CPSF4: variants seen among roughly 807,000 people sequenced by gnomAD.
CPSF4 encodes cleavage and polyadenylation specificity factor subunit 4.
CPSF4 carries 11 observed loss-of-function variants against 37.7 expected under a neutral mutation model. The ratio of observed to expected loss-of-function variants is 0.29; its 90% CI spans 0.18 to 0.48. CPSF4 has a LOEUF of 0.48. Ranked by LOEUF, CPSF4 falls within the 20% of genes least tolerant of loss-of-function variation. The pLI is 0.99. For synonymous variants in CPSF4, 132 were observed against 135.9 expected (o/e 0.97, Z 0.20); for missense variants, 144 against 359.5 (o/e 0.40, Z 4.85).
chr7:99,439,757 A>G (rs368606809), intron 1 of CPSF4, among the ~76,000 whole-genome samples: 4 of 152,234 alleles, frequency 2.6e-5, no homozygotes, highest in East Asian at 1.9e-4. Flanking sequence ...CATCAAAACT[A>G]GGCGGTTGGA....
intron 5 of CPSF4, among the ~76,000 whole-genome samples, chr7:99,451,244 C>T (rs1346053708): frequency 1.3e-5 from 2 of 152,180 alleles, no homozygotes; most frequent in African/African-American, 2.4e-5. Flanking sequence ...TTTCACACAG[C>T]AGCACACTGA....
At chr7:99,443,471 T>C (rs1364451400) in intron 1 of CPSF4, 3 of 928,240 alleles carry the variant, frequency 3.2e-6, no homozygotes, top group Non-Finnish European at 5.3e-6. Context: ...CTTCAGCTTA[T>C]GGAGCTCCAC....
intron 7 of CPSF4, among the ~76,000 whole-genome samples, chr7:99,454,461 C>T (rs879681513): frequency 3.3e-5 from 5 of 152,158 alleles, no homozygotes; most frequent in Admixed American, 2.0e-4. Flanking sequence ...CCCTTGGAGC[C>T]GCTGGCTGTC....
At position 99,444,774 on chromosome 7, in the gene CPSF4, C is replaced by G. The variant is rs1797335594; in HGVS notation, c.104-15C>G. On this transcript the variant is annotated splice_polypyrimidine_tract_variant and intron_variant, in intron 1 of 7. Transcript: ENST00000292476. The stretch of plus-strand genomic sequence containing the variant: ...GCACCTCTTTGATTCCTCTCCTTTT[C>G]TCTCCTTTCTACAGAGTCGGGCGCT... 6.2e-7 allele frequency: 1 copy of G among 1,612,606 alleles called. No homozygotes were observed. The highest frequency in any genetic ancestry group is 8.5e-7 in the Non-Finnish European group (1 of 1,179,014).
intron 1 of CPSF4, among the ~76,000 whole-genome samples, chr7:99,441,971 CG>C (rs1435132271): frequency 6.6e-6 from 1 of 152,160 alleles, no homozygotes. Context: ...GGATTACAGA[CG>C]TGAGTCACCG....
At chr7:99,440,674 A>ATATATATATATATATGTTTTTTTTT in intron 1 of CPSF4, among the ~76,000 whole-genome samples, 11 of 88,088 alleles carry the variant, frequency 1.2e-4, no homozygotes, top group African/African-American at 8.7e-4. Flanking sequence ...ATATATATAT[A>ATATATATATATATATGTTTTTTTTT]TTTTTTTTTT....
intron 2 of CPSF4, among the ~76,000 whole-genome samples, chr7:99,447,272 T>C (rs149844396): frequency 7.1e-6 from 1 of 141,558 alleles, no homozygotes; most frequent in Non-Finnish European, 1.6e-5. Flanking sequence ...TTTTTTTTTC[T>C]TTTTTTTTTT....
intron 2 of CPSF4, among the ~76,000 whole-genome samples, chr7:99,446,812 G>A (rs1021168568): frequency 3.5e-5 from 2 of 57,306 alleles, no homozygotes; most frequent in Admixed American, 2.2e-4. Context: ...TTTTTTTAAC[G>A]GAGTTTTGCT....
Position 99,439,843 on chromosome 7 carries a change from C to T in CPSF4, c.103+658C>T, listed in dbSNP as rs541295310. 1.2e-4 allele frequency among the ~76,000 whole-genome samples: 18 copies of T among 152,252 alleles called. No individual in the cohort carries two copies. In the South Asian group the frequency reaches 3.3e-3, roughly 28 times the overall value. ...CTCTCAAACTCCCTTCTAGGACTCA[C>T]TCTCCTGGGAGCTCATCCCTAGTTT... On this transcript the variant is annotated intron_variant, in intron 1 of 7. Transcript: ENST00000292476.
chr7:99,440,038 A>G (rs966407265), intron 1 of CPSF4, among the ~76,000 whole-genome samples: 1 of 151,072 alleles, frequency 6.6e-6, no homozygotes, highest in African/African-American at 2.5e-5. Context: ...AGAAACCAGT[A>G]GTTTTCTTTG....
rs1030973021 is a variant in CPSF4, at chr7:99,448,116, G to A, written c.155-5G>A. 12 of 1,613,632 alleles carry A rather than the reference G, an allele frequency of 7.4e-6. No homozygotes were observed. Among genetic ancestry groups the A allele is most frequent in the Admixed American group, 1.7e-5 (1 of 60,010 alleles). ...GCTGACACCCTGTCCCTATCTTGCC[G>A]GCAGGGGGCATGTGTCCGTTTCGCC... is the stretch of plus-strand genomic sequence containing the variant. On this transcript the variant is annotated splice_region_variant and splice_polypyrimidine_tract_variant and intron_variant, in intron 2 of 7. Coordinates refer to ENST00000292476, the MANE Select transcript of CPSF4 (RefSeq NM_006693.4). This position sits in a 1 kb window ranked among gnomAD's most constrained non-coding sequence, Gnocchi z 4.4.
At position 99,448,459 on chromosome 7, in the gene CPSF4, C is replaced by CTT. The variant is rs557905583; in HGVS notation, c.307+206_307+207dup. 6.3e-3 allele frequency: 2,001 copies of CTT among 319,482 alleles called. 2 individuals carry two copies. The highest frequency in any genetic ancestry group is 0.01 in the Middle Eastern group (11 of 1,068). 19.8% of individuals were successfully genotyped at this position (319,482 alleles called of 1,614,324 possible). A position where few individuals can be genotyped will look rare whatever the true frequency, so the allele number is the denominator to read the frequency against. On this transcript the variant is annotated intron_variant, in intron 3 of 7. Transcript: ENST00000292476. The surrounding 1 kb of genome is among the most constrained non-coding windows in gnomAD (Gnocchi z 4.4). ...CAGTGTGGCTATTTTCTGCTCATCTCTTTTTTTTTTTTTTTTTTTTTAAAG... is the reference window on the plus strand; with the variant it reads ...CAGTGTGGCTATTTTCTGCTCATCTCTTTTTTTTTTTTTTTTTTTTTTTAAAG...
chr7:99,444,895 T>TG (rs1376922597), intron 2 of CPSF4, 56 bp downstream of exon 2: 2 of 1,496,308 alleles, frequency 1.3e-6, no homozygotes, highest in African/African-American at 2.8e-5. Flanking sequence ...CACCTCCTTC[T>TG]CCCCGGCAGA....
chr7:99,456,918 TCCTC>T lies in CPSF4; in HGVS notation c.*426_*429del. 3 of 347,352 alleles carry T rather than the reference TCCTC, an allele frequency of 8.6e-6. No homozygotes were observed. Among genetic ancestry groups the T allele is most frequent in the South Asian group, 2.3e-5 (1 of 43,740 alleles). The allele number at this position is 347,352 out of a possible 1,614,324, so 21.5% of individuals were successfully genotyped here. A position where few individuals can be genotyped will look rare whatever the true frequency, so the allele number is the denominator to read the frequency against. On this transcript the variant is annotated 3_prime_UTR_variant, in exon 8 of 8. Transcript: ENST00000292476. ...AAGCTGTGGCCAGCTCACGCCTGCT[TCCTC>T]CCTCCCTGCCCTGCTGAATCCTAAA...
chr7:99,452,700 G>C, intron 6 of CPSF4: 1 of 468,540 alleles, frequency 2.1e-6, no homozygotes, highest in South Asian at 2.6e-5. Flanking sequence ...CTGGCCACCC[G>C]TTGTGAGATG....
At chr7:99,440,674 A>ATATATATATTTTTTTTTTTTTTT in intron 1 of CPSF4, among the ~76,000 whole-genome samples, 7 of 88,080 alleles carry the variant, frequency 7.9e-5, no homozygotes, top group East Asian at 6.7e-4. Context: ...ATATATATAT[A>ATATATATATTTTTTTTTTTTTTT]TTTTTTTTTT....
intron 3 of CPSF4, among the ~76,000 whole-genome samples, chr7:99,449,991 C>G (rs996275064): frequency 2.6e-5 from 4 of 152,140 alleles, no homozygotes; most frequent in Admixed American, 2.6e-4. Flanking sequence ...CTGGTGGTCC[C>G]TGGGGTCCGC....
Position 99,448,896 on chromosome 7 carries a change from C to A in CPSF4, c.307+623C>A. 1 of 152,666 alleles carries A rather than the reference C, an allele frequency of 6.6e-6. No individual in the cohort carries two copies. The highest frequency in any genetic ancestry group is 1.5e-5 in the Non-Finnish European group (1 of 68,284). 9.5% of individuals were successfully genotyped at this position (152,666 alleles called of 1,614,324 possible). On this transcript the variant is annotated intron_variant, in intron 3 of 7. Coordinates refer to ENST00000292476, the MANE Select transcript of CPSF4 (RefSeq NM_006693.4). The surrounding 1 kb of genome is among the most constrained non-coding windows in gnomAD (Gnocchi z 4.4). ...AGATGTGTCTTCTGGTAGCAACAAA[C>A]TTGCCTTGAGCCCTGCTTAGAGAAT...
Position 99,456,545 on chromosome 7 carries a change from G to T in CPSF4, c.*45G>T. 1 of 1,534,956 alleles carries T rather than the reference G, an allele frequency of 6.5e-7. No homozygotes were observed. ...CGAGCAGCCCGGGGGCCCCGCTGTT[G>T]GGAGTGTGCATTTAACTGTTTCATG... On this transcript the variant is annotated 3_prime_UTR_variant, in exon 8 of 8. Coordinates refer to ENST00000292476, the MANE Select transcript of CPSF4 (RefSeq NM_006693.4).
Sources: gnomAD v4.1 joint callset for allele counts (sites outside exome capture counted in the v4.1 genomes callset) on GRCh38, gnomAD v4.1.1 for gene constraint, Gnocchi (gnomAD v3.1) non-coding constraint, MANE v1.5 for transcripts, NCBI Gene and HGNC (gene_info 2026-07-23, HGNC 2026-07-21) for gene names.